Variants in MRPL44 observed in about 807,000 individuals in gnomAD.
MRPL44 encodes large ribosomal subunit protein mL44.
In MRPL44, 21 loss-of-function variants were observed where a neutral mutation model predicts 25.9. The ratio of observed to expected loss-of-function variants is 0.81; its 90% confidence interval spans 0.58 to 1.17. The LOEUF is 1.17. MRPL44 is among the 50% of genes most tolerant of loss of function. The probability of loss-of-function intolerance (pLI) is 0.00; values close to 1 mark genes in which losing one functional copy is unlikely to be tolerated. For synonymous variants in MRPL44, 169 were observed against 151.0 expected (o/e 1.12, Z -0.87); for missense variants, 410 against 398.9 (o/e 1.03, Z -0.24).
Position 223,959,935 on chromosome 2 carries a change from C to G in MRPL44, c.581C>G (p.Thr194Ser), listed in dbSNP as rs772740644. 6 of 1,614,188 alleles carry G rather than the reference C, an allele frequency of 3.7e-6. No individual in the cohort carries two copies. Among genetic ancestry groups the G allele is most frequent in the Non-Finnish European group, 5.1e-6 (6 of 1,180,034 alleles). ...GTGCCCCCAGCTGTGTTACAGCAGA[C>G]TTTCTTTGCAGTTATTGGAGCCCTG... is the stretch of plus-strand genomic sequence containing the variant. ...FPVPPAVLQQTFFAVIGALLQ... is the reference protein window; with the variant it reads ...FPVPPAVLQQSFFAVIGALLQ... Residue 194 changes from threonine (T) to serine (S), a missense_variant, in exon 2 of 4, where the codon ACT (threonine) becomes AGT (serine). Transcript: ENST00000258383.
chr2:223,957,586 C>T lies in MRPL44; in HGVS notation c.114C>T (p.Ala38=). Reference sequence around the variant, plus strand: ...GAGTGAAGAAGGGATTCCGCGCCGCCTTCCGCTTCCAGAAGGAGTTAGAGC... The same window carrying T: ...GAGTGAAGAAGGGATTCCGCGCCGCTTTCCGCTTCCAGAAGGAGTTAGAGC... ...VRGVKKGFRA[A]FRFQKELERQ... Residue 38 remains alanine (A), a synonymous_variant, in exon 1 of 4, where the codon GCC becomes GCT. Transcript: ENST00000258383. The T allele has an allele frequency of 6.2e-7, 1 of 1,613,656 alleles. No individual in the cohort carries two copies. The highest frequency in any genetic ancestry group is 8.5e-7 in the Non-Finnish European group (1 of 1,179,990).
upstream of MRPL44, among the ~76,000 whole-genome samples, chr2:223,953,107 G>A (rs1266966512): frequency 3.3e-5 from 5 of 150,418 alleles, no homozygotes; most frequent in African/African-American, 2.4e-5. Context: ...TAACTTATTC[G>A]TATGCAGTAT....
chr2:223,960,915 C>T (rs996391177), intron 2 of MRPL44, among the ~76,000 whole-genome samples: 6 of 152,092 alleles, frequency 3.9e-5, no homozygotes, highest in Admixed American at 1.3e-4. Flanking sequence ...AAATATTTAC[C>T]ATATTGTAAT....
At chr2:223,961,397 G>C (rs1689659157) in intron 2 of MRPL44, among the ~76,000 whole-genome samples, 1 of 152,206 alleles carries the variant, frequency 6.6e-6, no homozygotes, top group Non-Finnish European at 1.5e-5. Context: ...GGACCTTTAA[G>C]AGCCAGTGTA....
intron 1 of MRPL44, 60 bp downstream of exon 1, chr2:223,957,711 C>A: frequency 6.6e-7 from 1 of 1,525,814 alleles, no homozygotes; most frequent in Non-Finnish European, 8.8e-7. Context: ...GGTCTTCTTC[C>A]CGCGGCGTCG....
At chr2:223,951,485 T>TTTGTTTTGTTTTTTTTTTG in the MRPL44 span, among the ~76,000 whole-genome samples, 1 of 146,330 alleles carries the variant, frequency 6.8e-6, no homozygotes, top group African/African-American at 2.5e-5. Flanking sequence ...GGAGTTTTTT[T>TTTGTTTTGTTTTTTTTTTG]TTTTTTTTTT....
rs1256152399 is a variant in MRPL44, at chr2:223,957,532, C to T, written c.60C>T (p.Val20=). 6.2e-7 allele frequency: 1 copy of T among 1,614,074 alleles called. No individual in the cohort carries two copies. Among genetic ancestry groups the T allele is most frequent in the Non-Finnish European group, 8.5e-7 (1 of 1,180,012 alleles). Residue 20 remains valine, a synonymous_variant, in exon 1 of 4, where the codon GTC becomes GTT. Coordinates refer to ENST00000258383, the MANE Select transcript of MRPL44 (RefSeq NM_022915.5). Reference sequence around the variant, plus strand: ...GACATCGCTGCCTCCTGGCTCCAGTCGCCCCCAAGCTGGTCCCTCCGGTTC... The same window carrying T: ...GACATCGCTGCCTCCTGGCTCCAGTTGCCCCCAAGCTGGTCCCTCCGGTTC... ...QQGHRCLLAP[V]APKLVPPVRG...
At chr2:223,964,836 A>G (rs1237163399) in intron 3 of MRPL44, among the ~76,000 whole-genome samples, 2 of 152,104 alleles carry the variant, frequency 1.3e-5, no homozygotes, top group Non-Finnish European at 2.9e-5. Flanking sequence ...TTTGTTGTTT[A>G]CCTCTTTATG....
chr2:223,964,751 A>G (rs1341834016), intron 3 of MRPL44, among the ~76,000 whole-genome samples: 5 of 152,146 alleles, frequency 3.3e-5, no homozygotes, highest in Non-Finnish European at 5.9e-5. Flanking sequence ...AAAATTTTTT[A>G]TGTTCTTTGA....
At position 223,959,704 on chromosome 2, in the gene MRPL44, T is replaced by C; in HGVS notation, c.350T>C (p.Leu117Pro). 1.9e-6 allele frequency: 3 copies of C among 1,614,286 alleles called. No individual in the cohort carries two copies. The highest frequency in any genetic ancestry group is 1.7e-6 in the Non-Finnish European group (2 of 1,180,052). The change falls in exon 2 of 4, where the codon CTG (leucine) becomes CCG (proline). Residue 117 changes from leucine to proline, a missense_variant. Physicochemically the swap from Leu to Pro is moderately conservative, Grantham distance 98. Transcript: ENST00000258383. ...QLGIEKEAVL[L>P]NLKSNQELSE... ...GGGATAGAGAAAGAAGCTGTTCTTC[T>C]GAATCTTAAAAGTAATCAAGAACTA...
At chr2:223,951,926 T>G in the MRPL44 span, among the ~76,000 whole-genome samples, 1 of 152,372 alleles carries the variant, frequency 6.6e-6, no homozygotes, top group South Asian at 2.1e-4. Context: ...ATGCCAATAT[T>G]ATTTATTGTA....
upstream of MRPL44, among the ~76,000 whole-genome samples, chr2:223,953,941 C>T (rs1393833131): frequency 6.6e-6 from 1 of 152,198 alleles, no homozygotes; most frequent in African/African-American, 2.4e-5. Context: ...TTAAAATATT[C>T]CTTTTCCTGT....
rs754896241 is a variant in MRPL44 at position 223,959,639 on chromosome 2, C to G, written c.285C>G (p.Ser95Arg). The G allele has an allele frequency of 6.2e-7, 1 of 1,614,034 alleles. No homozygotes were observed. Among genetic ancestry groups the G allele is most frequent in the African/African-American group, 1.3e-5 (1 of 74,936 alleles). ...LDLLKTAFVN[S>R]CYIKSEEAKR... The stretch of plus-strand genomic sequence containing the variant: ...TTCTCAAAACTGCATTTGTTAATAG[C>G]TGCTATATTAAAAGTGAGGAGGCCA... The change falls in exon 2 of 4, where the codon AGC becomes AGG. Residue 95 changes from serine (S) to arginine (R), a missense_variant. Coordinates refer to ENST00000258383, the MANE Select transcript of MRPL44 (RefSeq NM_022915.5).
At chr2:223,962,065 C>G (rs1309461669) in intron 2 of MRPL44, among the ~76,000 whole-genome samples, 1 of 152,120 alleles carries the variant, frequency 6.6e-6, no homozygotes, top group Non-Finnish European at 1.5e-5. Flanking sequence ...GAGGCAGCAT[C>G]TCTGTTGTCC....
At position 223,959,546 on chromosome 2, in the gene MRPL44, GA is replaced by G; in HGVS notation, c.194del (p.Asn65ThrfsTer21). ...PPPVRRSEKP[N>X]WDYHAEIQAF... Reference sequence around the variant, plus strand: ...TTTACATTTTCAGTTCAGAGAAGCCGAACTGGGATTACCATGCAGAAATACA... The same window carrying G: ...TTTACATTTTCAGTTCAGAGAAGCCGACTGGGATTACCATGCAGAAATACA... On this transcript the variant is annotated frameshift_variant, in exon 2 of 4. Transcript: ENST00000258383. LOFTEE classifies it high-confidence loss of function. 6.2e-7 allele frequency: 1 copy of G among 1,608,022 alleles called. No homozygotes were observed. Among genetic ancestry groups the G allele is most frequent in the Non-Finnish European group, 8.5e-7 (1 of 1,177,380 alleles).
the MRPL44 span, among the ~76,000 whole-genome samples, chr2:223,952,350 G>A: frequency 1.3e-5 from 2 of 152,160 alleles, no homozygotes; most frequent in Non-Finnish European, 2.9e-5. Context: ...GTCTCTGTGG[G>A]TTCTTGGTCC....
At chr2:223,965,241 AT>A (rs1486891022) in intron 3 of MRPL44, among the ~76,000 whole-genome samples, 1 of 152,172 alleles carries the variant, frequency 6.6e-6, no homozygotes, top group Non-Finnish European at 1.5e-5. Flanking sequence ...CTTTGTGCAA[AT>A]TTGTATGTGT....
At chr2:223,957,705 T>G in intron 1 of MRPL44, 54 bp downstream of exon 1, 1 of 1,541,654 alleles carries the variant, frequency 6.5e-7, no homozygotes, top group African/African-American at 1.4e-5. Flanking sequence ...ACACTGGGTC[T>G]TCTTCCCGCG....
chr2:223,965,493 C>G (rs568282233), intron 3 of MRPL44, among the ~76,000 whole-genome samples: 1 of 152,176 alleles, frequency 6.6e-6, no homozygotes, highest in African/African-American at 2.4e-5. Flanking sequence ...ATTAAACTTT[C>G]AGGAGATGCT....
Sources: gnomAD v4.1 joint callset for allele counts (sites outside exome capture counted in the v4.1 genomes callset) on GRCh38, gnomAD v4.1.1 for gene constraint, MANE v1.5 for transcripts, NCBI Gene and HGNC (gene_info 2026-07-23, HGNC 2026-07-21) for gene names.